Variants in CHST9 observed in about 807,000 individuals in gnomAD.
CHST9 encodes the protein GalNAc-4-sulfotransferase 2.
Under a neutral mutation model 44.4 loss-of-function variants are expected in CHST9, and 41 were observed. The ratio of observed to expected loss-of-function variants is 0.92; its 90% CI spans 0.72 to 1.20. The LOEUF (loss-of-function observed/expected upper bound fraction) is 1.20, where lower values mean the gene tolerates loss of function less well. Ranked by LOEUF, CHST9 falls within the 50% of genes most tolerant of loss-of-function variation. CHST9 has a pLI of 0.00. For synonymous variants in CHST9, 171 were observed against 178.4 expected, an observed-to-expected ratio of 0.96 and a Z score of 0.33; for missense variants, 504 against 516.5, an observed-to-expected ratio of 0.98 and a Z score of 0.23.
intron 1 of CHST9, among the ~76,000 whole-genome samples, chr18:27,174,583 A>T (rs1036021327): frequency 6.6e-6 from 1 of 151,956 alleles, no homozygotes. Flanking sequence ...GATAATGTGA[A>T]TATCCTGTCC....
At chr18:27,107,603 C>G (rs1303671947) in intron 2 of CHST9, among the ~76,000 whole-genome samples, 2 of 152,138 alleles carry the variant, frequency 1.3e-5, no homozygotes, top group African/African-American at 4.8e-5. Flanking sequence ...TCCTAGTGTG[C>G]TTCCTATCCA....
intron 1 of CHST9, among the ~76,000 whole-genome samples, chr18:27,153,313 T>C (rs560615838): frequency 2.0e-5 from 3 of 152,244 alleles, no homozygotes; most frequent in African/African-American, 7.2e-5. Flanking sequence ...CAGAAATGTA[T>C]TCTGTTACAG....
intron 2 of CHST9, among the ~76,000 whole-genome samples, chr18:27,092,962 C>T (rs139287569): frequency 2.1e-4 from 32 of 152,182 alleles, no homozygotes; most frequent in East Asian, 9.6e-4. Context: ...CTATTAGGTC[C>T]GCTTGGTGCA....
chr18:27,051,819 A>C (rs940262089), intron 2 of CHST9, among the ~76,000 whole-genome samples: 1 of 152,180 alleles, frequency 6.6e-6, no homozygotes, highest in African/African-American at 2.4e-5. Context: ...TATATGTTTC[A>C]AAAGTCTGTA....
intron 2 of CHST9, among the ~76,000 whole-genome samples, chr18:27,098,849 T>C (rs1185949277): frequency 6.7e-6 from 1 of 150,242 alleles, no homozygotes; most frequent in Non-Finnish European, 1.5e-5. Flanking sequence ...AACAAACCTA[T>C]CCTAAAACTC....
intron 2 of CHST9, among the ~76,000 whole-genome samples, chr18:27,131,970 C>A (rs542619154): frequency 1.3e-5 from 2 of 152,138 alleles, no homozygotes; most frequent in East Asian, 3.9e-4. Flanking sequence ...CCAATGTATA[C>A]CTTTCATGTA....
chr18:26,948,827 T>C (rs1228024396), intron 4 of CHST9, among the ~76,000 whole-genome samples: 4 of 151,828 alleles, frequency 2.6e-5, no homozygotes, highest in Non-Finnish European at 4.4e-5. Flanking sequence ...CTCCAGGGAG[T>C]TGGGGCAGGA....
chr18:27,151,464 G>A (rs534705246), intron 1 of CHST9, among the ~76,000 whole-genome samples: 2 of 152,240 alleles, frequency 1.3e-5, no homozygotes, highest in South Asian at 4.1e-4. Context: ...CTCCCAAAAG[G>A]TCCACCCCCT....
At chr18:26,974,083 TC>T (rs2056587167) in intron 4 of CHST9, among the ~76,000 whole-genome samples, 1 of 152,238 alleles carries the variant, frequency 6.6e-6, no homozygotes, top group Non-Finnish European at 1.5e-5. Flanking sequence ...TTGTGTTCCA[TC>T]AATTCATGGC....
rs151198110 is a variant in CHST9 at position 26,939,850 on chromosome 18, G to T, written c.240+4479C>A. 3.9e-5 allele frequency among the ~76,000 whole-genome samples: 6 copies of T among 152,250 alleles called. No homozygotes were observed. In the East Asian group the frequency reaches 7.7e-4, roughly 20 times the overall value. The stretch of plus-strand genomic sequence containing the variant: ...GGTCTTCTGGTTACTGAAGGAAAAG[G>T]TTCTCCTACCTCATGTTTTACTTTT... On this transcript the variant is annotated intron_variant, in intron 5 of 5. Transcript: ENST00000618847.
chr18:26,930,451 G>A (rs1344168554), intron 5 of CHST9, among the ~76,000 whole-genome samples: 1 of 152,144 alleles, frequency 6.6e-6, no homozygotes, highest in Non-Finnish European at 1.5e-5. Flanking sequence ...GCATCAAATG[G>A]ATATTTGCAA....
chr18:26,939,309 T>C (rs533129967), intron 5 of CHST9, among the ~76,000 whole-genome samples: 1 of 152,298 alleles, frequency 6.6e-6, no homozygotes, highest in East Asian at 1.9e-4. Flanking sequence ...AGGGGATTAG[T>C]ACGTTGATGA....
intron 3 of CHST9, among the ~76,000 whole-genome samples, chr18:27,046,473 G>A (rs908956644): frequency 6.6e-6 from 1 of 152,000 alleles, no homozygotes; most frequent in Non-Finnish European, 1.5e-5. Flanking sequence ...AAACTCAGCT[G>A]TAAACAAGAG....
chr18:27,161,498 T>C (rs182692994), intron 1 of CHST9, among the ~76,000 whole-genome samples: 20 of 152,304 alleles, frequency 1.3e-4, no homozygotes, highest in South Asian at 6.2e-4. Flanking sequence ...ATTTCTATTC[T>C]TTTACATTTG....
intron 5 of CHST9, 140 bp downstream of exon 5, chr18:26,944,188 GT>G (rs1015508935): frequency 3.0e-5 from 20 of 668,672 alleles, no homozygotes; most frequent in African/African-American, 2.2e-4. Context: ...GACCAAATAT[GT>G]TTTTTTCCCC....
intron 2 of CHST9, among the ~76,000 whole-genome samples, chr18:27,054,606 A>G (rs1334850200): frequency 6.6e-6 from 1 of 152,196 alleles, no homozygotes; most frequent in African/African-American, 2.4e-5. Flanking sequence ...TTCATGGAGA[A>G]ATATTACATA....
chr18:27,085,556 A>G (rs575569384), intron 2 of CHST9, among the ~76,000 whole-genome samples: 34 of 152,300 alleles, frequency 2.2e-4, no homozygotes, highest in African/African-American at 7.9e-4. Flanking sequence ...TTGCAAATCA[A>G]AACCACAATG....
chr18:26,981,254 GCATAAC>G (rs1399704310), intron 4 of CHST9, among the ~76,000 whole-genome samples: 8 of 152,136 alleles, frequency 5.3e-5, no homozygotes, highest in Non-Finnish European at 7.4e-5. Flanking sequence ...GCATAAATAT[GCATAAC>G]CAGACAAAGT....
chr18:26,917,529 A>G (rs1233449723), intron 5 of CHST9, among the ~76,000 whole-genome samples, 179 bp from the exon 6 acceptor site: 1 of 152,170 alleles, frequency 6.6e-6, no homozygotes, highest in African/African-American at 2.4e-5. Flanking sequence ...TCTTCACAGA[A>G]AATGTAGCAA....
Sources: gnomAD v4.1 joint callset for allele counts (sites outside exome capture counted in the v4.1 genomes callset) on GRCh38, gnomAD v4.1.1 for gene constraint, MANE v1.5 for transcripts, NCBI Gene and HGNC (gene_info 2026-07-23, HGNC 2026-07-21) for gene names.